DISC1: variants seen among roughly 807,000 people sequenced by gnomAD.
DISC1 encodes the protein disrupted in schizophrenia 1 protein.
Under a neutral mutation model 84.5 loss-of-function variants are expected in DISC1, and 57 were observed. The observed-to-expected ratio is 0.67, with a 90% CI of 0.55 to 0.84. The LOEUF (loss-of-function observed/expected upper bound fraction) is 0.84. Ranked by LOEUF, DISC1 falls within the 40% of genes least tolerant of loss-of-function variation. The pLI is 0.00. For synonymous variants in DISC1, 411 were observed against 415.2 expected, an observed-to-expected ratio of 0.99 and a Z score of 0.12; for missense variants, 1,000 against 1,057.8, an observed-to-expected ratio of 0.95 and a Z score of 0.76.
intron 9 of DISC1, among the ~76,000 whole-genome samples, chr1:231,902,886 G>C (rs1187838093): frequency 6.6e-6 from 1 of 152,120 alleles, no homozygotes; most frequent in African/African-American, 2.4e-5. Flanking sequence ...TTTTAAATCT[G>C]AAACACTTTG....
At chr1:231,856,645 G>A (rs893399308) in intron 9 of DISC1, among the ~76,000 whole-genome samples, 10 of 152,308 alleles carry the variant, frequency 6.6e-5, no homozygotes, top group Non-Finnish European at 2.9e-5. Context: ...CCTGCCCTGC[G>A]TGAGCAGGTT....
intron 12 of DISC1, among the ~76,000 whole-genome samples, chr1:232,033,959 A>T (rs930094133): frequency 2.0e-5 from 3 of 152,208 alleles, no homozygotes; most frequent in African/African-American, 7.2e-5. Context: ...CAAAATTAGG[A>T]TCATTCCATA....
chr1:231,693,806 GTTTTTT>G lies in DISC1; in HGVS notation c.68-19_68-14del. The G allele has an allele frequency of 6.2e-7, 1 of 1,612,498 alleles. No individual in the cohort carries two copies. Among genetic ancestry groups the G allele is most frequent in the Non-Finnish European group, 8.5e-7 (1 of 1,180,030 alleles). The stretch of plus-strand genomic sequence containing the variant: ...GTAAGATCTGCATGTTTATGGTGCT[GTTTTTT>G]CTTTTCTTCCCAGGCAGCCGGGATT... On this transcript the variant is annotated splice_polypyrimidine_tract_variant and intron_variant, in intron 1 of 12. Transcript: ENST00000439617.
At chr1:231,745,982 G>A (rs530703717) in intron 3 of DISC1, among the ~76,000 whole-genome samples, 42 of 152,232 alleles carry the variant, frequency 2.8e-4, no homozygotes, top group African/African-American at 9.2e-4. Flanking sequence ...CTCTTGCCAC[G>A]TGATGTGCCT....
chr1:231,713,680 G>GAT (rs1200959736), intron 3 of DISC1, among the ~76,000 whole-genome samples: 1,579 of 120,698 alleles, frequency 0.013, 18 homozygotes, highest in African/African-American at 0.027. Context: ...TCATGAAGCA[G>GAT]ATATATATAT....
At chr1:231,637,065 T>C (rs1411162052) in intron 1 of DISC1, among the ~76,000 whole-genome samples, 8 of 152,220 alleles carry the variant, frequency 5.3e-5, no homozygotes, top group African/African-American at 1.9e-4. Flanking sequence ...TTTGGTTTTC[T>C]GTTCCTGTGT....
chr1:231,913,383 T>C (rs567310399), intron 9 of DISC1, among the ~76,000 whole-genome samples: 2 of 152,348 alleles, frequency 1.3e-5, no homozygotes, highest in African/African-American at 2.4e-5. Context: ...CCTCAAATTT[T>C]GGGACTAGCT....
At chr1:231,989,602 T>C (rs1664917750) in intron 10 of DISC1, among the ~76,000 whole-genome samples, 1 of 152,230 alleles carries the variant, frequency 6.6e-6, no homozygotes, top group South Asian at 2.1e-4. Flanking sequence ...CAAAGAGAGC[T>C]GGCTTTTAAG....
intron 4 of DISC1, among the ~76,000 whole-genome samples, chr1:231,752,996 C>T (rs568639337): frequency 3.8e-4 from 58 of 152,374 alleles, no homozygotes; most frequent in African/African-American, 1.4e-3. Context: ...CAGCCCTGCC[C>T]TTGTGGCTTT....
intron 1 of DISC1, among the ~76,000 whole-genome samples, chr1:231,656,800 G>T (rs917766090): frequency 3.3e-5 from 5 of 152,216 alleles, no homozygotes; most frequent in Admixed American, 6.5e-5. Context: ...CCCACTGATA[G>T]TTCCCAGTGT....
intron 3 of DISC1, among the ~76,000 whole-genome samples, chr1:231,746,367 T>A (rs2073983179): frequency 6.6e-6 from 1 of 152,206 alleles, no homozygotes; most frequent in African/African-American, 2.4e-5. Context: ...GACACTTAGA[T>A]TGATTCCATA....
intron 1 of DISC1, among the ~76,000 whole-genome samples, chr1:231,652,977 A>G (rs2060765733): frequency 6.6e-6 from 1 of 152,026 alleles, no homozygotes; most frequent in South Asian, 2.1e-4. Flanking sequence ...ACGGGGTTTC[A>G]CCATGTTGGC....
rs745397878 is a variant in DISC1 at position 231,694,254 on chromosome 1, G to A, written c.496G>A (p.Asp166Asn). The change falls in exon 2 of 13, where the codon GAT (aspartate) becomes AAT (asparagine). Residue 166 changes from aspartate (D) to asparagine (N), a missense_variant. By Grantham distance (23) the Asp-to-Asn change is conservative. This residue lies in a region of DISC1 where 292 missense variants were observed against 280.2 expected (regional missense o/e 1.04). Coordinates refer to ENST00000439617, the MANE Select transcript of DISC1 (RefSeq NM_018662.3). ...LDASWEAACS[D>N]GARRVRAAGS... ...CGCCAGCTGGGAGGCAGCCTGCAGC[G>A]ATGGAGCAAGGCGTGTCCGGGCAGC... 9 of 1,614,102 alleles carry A rather than the reference G, an allele frequency of 5.6e-6. No individual in the cohort carries two copies. In the African/African-American group the frequency reaches 1.1e-4, roughly 19 times the overall value.
chr1:231,897,356 A>AT lies in DISC1; in HGVS notation c.1982-61466dup, dbSNP rs1300968620. On this transcript the variant is annotated intron_variant, in intron 9 of 12. Coordinates refer to ENST00000439617, the MANE Select transcript of DISC1 (RefSeq NM_018662.3). This position sits in a 1 kb window ranked among gnomAD's most constrained non-coding sequence, Gnocchi z 4.5. ...TCCTTGAAATGAATGGAACTTTTTG[A>AT]TTTTTTATCCTTACTTTTCTCCTCT... is the stretch of plus-strand genomic sequence containing the variant. 3.3e-5 allele frequency among the ~76,000 whole-genome samples: 5 copies of AT among 152,046 alleles called. No homozygotes were observed. The highest frequency in any genetic ancestry group is 1.9e-4 in the East Asian group (1 of 5,174).
intron 1 of DISC1, among the ~76,000 whole-genome samples, chr1:231,636,721 T>C (rs2059230808): frequency 6.6e-6 from 1 of 152,182 alleles, no homozygotes; most frequent in African/African-American, 2.4e-5. Context: ...AGATGTCTTA[T>C]GGGAGTTACT....
chr1:231,967,066 C>T (rs142563015), intron 10 of DISC1, among the ~76,000 whole-genome samples: 2,236 of 152,302 alleles, frequency 0.015, 28 homozygotes, highest in Middle Eastern at 0.024. Flanking sequence ...ATCCAGTTCT[C>T]TTTTTAAAAA....
At chr1:231,995,753 G>A (rs1340130466) in intron 10 of DISC1, among the ~76,000 whole-genome samples, 3 of 150,670 alleles carry the variant, frequency 2.0e-5, no homozygotes, top group East Asian at 3.9e-4. Context: ...TTGGACATTT[G>A]GGTTGGTTCC....
At chr1:231,994,929 G>T (rs975019428) in intron 10 of DISC1, among the ~76,000 whole-genome samples, 9 of 152,092 alleles carry the variant, frequency 5.9e-5, no homozygotes, top group Admixed American at 1.3e-4. Flanking sequence ...AATTCTATTA[G>T]GAAGGGCAAG....
In DISC1 at chr1:232,031,500, G is replaced by GGAAAGGAAAGAAA. The variant is rs1670049440; in HGVS notation, c.2425+4958_2425+4959insAAAGAAAGGAAAG. Among the ~76,000 whole-genome samples the GGAAAGGAAAGAAA allele has an allele frequency of 8.1e-6, 1 of 123,796 alleles. No individual in the cohort carries two copies. The highest frequency in any genetic ancestry group is 2.0e-5 in the Non-Finnish European group (1 of 51,162). 81.2% of individuals were successfully genotyped at this position (123,796 alleles called of 152,430 possible). On this transcript the variant is annotated intron_variant, in intron 12 of 12. Transcript: ENST00000439617. The surrounding 1 kb of genome is among the most constrained non-coding windows in gnomAD (Gnocchi z 4.6). ...AGCAAAAGGGAAGGAAAGAAAGAAA[G>GGAAAGGAAAGAAA]GAAAGGAAAGGAAAGAAAGAAAAGG... is the stretch of plus-strand genomic sequence containing the variant.
Sources: gnomAD v4.1 joint callset for allele counts (sites outside exome capture counted in the v4.1 genomes callset) on GRCh38, gnomAD v4.1.1 for gene constraint, gnomAD v4.1.1 regional missense constraint, Gnocchi (gnomAD v3.1) non-coding constraint, MANE v1.5 for transcripts, NCBI Gene and HGNC (gene_info 2026-07-23, HGNC 2026-07-21) for gene names.